The following DAB2IP variants were observed in gnomAD, a reference collection of about 807,000 sequenced individuals.
The protein encoded by DAB2IP is DAB2 interacting protein.
In DAB2IP, 28 loss-of-function variants were observed where a neutral mutation model predicts 107.2. That is an observed-to-expected ratio of 0.26 (90% confidence interval 0.19 to 0.36). The LOEUF (loss-of-function observed/expected upper bound fraction) is 0.36, where lower values mean the gene tolerates loss of function less well. Ranked by LOEUF, DAB2IP falls within the 10% of genes least tolerant of loss-of-function variation. The pLI is 1.00. For synonymous variants in DAB2IP, 755 were observed against 706.4 expected, an observed-to-expected ratio of 1.07 and a Z score of -1.09; for missense variants, 1,400 against 1,644.7, an observed-to-expected ratio of 0.85 and a Z score of 2.57.
chr9:121,696,914 C>A (rs994188000), intron 2 of DAB2IP, among the ~76,000 whole-genome samples: 1 of 152,198 alleles, frequency 6.6e-6, no homozygotes, highest in Non-Finnish European at 1.5e-5. Context: ...TCTGAGCTCC[C>A]TGACCTCTTG....
intron 3 of DAB2IP, among the ~76,000 whole-genome samples, chr9:121,717,511 A>G (rs1830674142): frequency 6.6e-6 from 1 of 152,234 alleles, no homozygotes; most frequent in African/African-American, 2.4e-5. Context: ...CTCGGGTCAC[A>G]CACTTGTTTA....
chr9:121,577,280 G>T (rs985111893), intron 1 of DAB2IP, among the ~76,000 whole-genome samples: 2 of 152,198 alleles, frequency 1.3e-5, no homozygotes, highest in South Asian at 2.1e-4. Context: ...TCGGGAGAGT[G>T]GGGGAAGAGG....
chr9:121,766,602 G>A, exon 9 of DAB2IP: 2 of 1,614,056 alleles, frequency 1.2e-6, no homozygotes, highest in South Asian at 2.2e-5. Context: ...CCCTCTTCCT[G>A]CGCTTCCTCT....
intron 1 of DAB2IP, among the ~76,000 whole-genome samples, chr9:121,645,721 C>T (rs1589447044): frequency 6.6e-6 from 1 of 152,336 alleles, no homozygotes; most frequent in East Asian, 1.9e-4. Flanking sequence ...TTGAGGGCCT[C>T]AGCTTCCCCC....
chr9:121,781,591 G>A, intron 15 of DAB2IP, 40 bp downstream of exon 15: 2 of 1,599,102 alleles, frequency 1.3e-6, no homozygotes, highest in Non-Finnish European at 1.7e-6. Flanking sequence ...AAGAGTTAAA[G>A]GGCCTGGGAT....
intron 3 of DAB2IP, among the ~76,000 whole-genome samples, chr9:121,712,832 A>G (rs1330486694): frequency 6.6e-6 from 1 of 152,208 alleles, no homozygotes; most frequent in East Asian, 1.9e-4. Flanking sequence ...CAGTGAACCA[A>G]GTCAGTCAGT....
chr9:121,625,408 CT>C (rs903409495), intron 1 of DAB2IP, among the ~76,000 whole-genome samples: 67 of 147,488 alleles, frequency 4.5e-4, no homozygotes, highest in African/African-American at 1.1e-3. Context: ...CTGGTGAACT[CT>C]TTTTTTTTTT....
At chr9:121,569,746 G>A (rs1019675334) in intron 1 of DAB2IP, among the ~76,000 whole-genome samples, 2 of 152,188 alleles carry the variant, frequency 1.3e-5, no homozygotes, top group African/African-American at 4.8e-5. Context: ...ACTTGAACTC[G>A]GGAGGCAAAA....
chr9:121,769,356 A>AGCGCACACACACATGCAGGC (rs905251803), intron 10 of DAB2IP, among the ~76,000 whole-genome samples: 4 of 151,944 alleles, frequency 2.6e-5, no homozygotes, highest in African/African-American at 9.7e-5. Flanking sequence ...TGCATGTGTA[A>AGCGCACACACACATGCAGGC]GCGCACACAC....
chr9:121,657,891 G>A (rs1172030880), intron 1 of DAB2IP, among the ~76,000 whole-genome samples: 1 of 152,206 alleles, frequency 6.6e-6, no homozygotes, highest in East Asian at 1.9e-4. Flanking sequence ...GGAGCCAACT[G>A]TTTCCCTTGA....
chr9:121,634,790 C>T lies in DAB2IP; in HGVS notation c.41-43888C>T, dbSNP rs1330975124. 6.6e-6 allele frequency among the ~76,000 whole-genome samples: 1 copy of T among 152,116 alleles called. No homozygotes were observed. The highest frequency in any genetic ancestry group is 1.5e-5 in the Non-Finnish European group (1 of 68,008). On this transcript the variant is annotated intron_variant, in intron 1 of 16. Coordinates refer to the DAB2IP transcript ENST00000259371. The surrounding 1 kb of genome is among the most constrained non-coding windows in gnomAD (Gnocchi z 4.7). ...CAATAGGAGAAGGCAGTGGACAGCC[C>T]CATTGGTCCTGCCCCCACCCCAGCC...
chr9:121,618,879 C>A, intron 1 of DAB2IP, among the ~76,000 whole-genome samples: 1 of 152,136 alleles, frequency 6.6e-6, no homozygotes, highest in East Asian at 1.9e-4. Flanking sequence ...GCTGTGTGTA[C>A]GGCATCCCTA....
intron 1 of DAB2IP, among the ~76,000 whole-genome samples, chr9:121,573,350 T>A (rs963592370): frequency 1.3e-5 from 2 of 152,042 alleles, no homozygotes; most frequent in Non-Finnish European, 2.9e-5. Flanking sequence ...CTGCTAGGAT[T>A]ACAGGCGTGA....
At chr9:121,749,613 C>T (rs537539659) in intron 3 of DAB2IP, among the ~76,000 whole-genome samples, 124 of 152,168 alleles carry the variant, frequency 8.1e-4, no homozygotes, top group Non-Finnish European at 1.2e-3. Flanking sequence ...GATGGCTGTG[C>T]TTGGGAGTCC....
intron 1 of DAB2IP, among the ~76,000 whole-genome samples, chr9:121,625,481 C>CA (rs1250055225): frequency 6.6e-6 from 1 of 152,024 alleles, no homozygotes; most frequent in Non-Finnish European, 1.5e-5. Flanking sequence ...AGGCTGGTCT[C>CA]AAACTTCGGA....
intron 1 of DAB2IP, among the ~76,000 whole-genome samples, chr9:121,677,120 G>A (rs774874106): frequency 1.2e-4 from 18 of 152,218 alleles, no homozygotes; most frequent in Non-Finnish European, 1.3e-4. Context: ...CCGAGTGGCT[G>A]GCTGCTTTCC....
chr9:121,778,747 G>A (rs1424814454), intron 14 of DAB2IP, among the ~76,000 whole-genome samples: 2 of 152,220 alleles, frequency 1.3e-5, no homozygotes, highest in Non-Finnish European at 2.9e-5. Context: ...TGTGTGAGAT[G>A]GCTATTTACA....
intron 1 of DAB2IP, among the ~76,000 whole-genome samples, chr9:121,626,576 A>T (rs1831655583): frequency 6.6e-6 from 1 of 151,974 alleles, no homozygotes; most frequent in African/African-American, 2.4e-5. Context: ...GGCATCTGCC[A>T]CCATGCCCAG....
At chr9:121,628,169 A>C (rs1037372277) in intron 1 of DAB2IP, among the ~76,000 whole-genome samples, 4 of 152,248 alleles carry the variant, frequency 2.6e-5, no homozygotes, top group Non-Finnish European at 1.5e-5. Context: ...ATGTGGGTGC[A>C]GTGAATCTGC....
Sources: allele counts gnomAD v4.1 joint callset (sites outside exome capture counted in the v4.1 genomes callset), GRCh38; gene constraint gnomAD v4.1.1; non-coding constraint Gnocchi (gnomAD v3.1); transcripts MANE v1.5; gene names NCBI Gene and HGNC (gene_info 2026-07-23, HGNC 2026-07-21).